Variants in LARP4 observed in about 807,000 individuals in gnomAD.
LARP4 encodes the protein la-related protein 4.
Under a neutral mutation model 92.9 loss-of-function variants are expected in LARP4, and 29 were observed. The observed-to-expected ratio is 0.31, with a 90% CI of 0.23 to 0.43. The LOEUF (loss-of-function observed/expected upper bound fraction) is 0.43. LARP4 is among the 20% of genes least tolerant of loss of function. The pLI, the probability that LARP4 is intolerant of heterozygous loss-of-function variation, is 1.00. For synonymous variants in LARP4, 279 were observed against 284.1 expected (o/e 0.98, Z 0.18); for missense variants, 732 against 860.0 (o/e 0.85, Z 1.86).
intron 8 of LARP4, among the ~76,000 whole-genome samples, chr12:50,450,131 C>T (rs1349728811): frequency 6.6e-6 from 1 of 151,852 alleles, no homozygotes; most frequent in African/African-American, 2.4e-5. Flanking sequence ...GACATGGTTT[C>T]ACCATGTTGG....
chr12:50,409,029 G>A (rs1387281717), intron 1 of LARP4, among the ~76,000 whole-genome samples: 1 of 151,918 alleles, frequency 6.6e-6, no homozygotes, highest in Non-Finnish European at 1.5e-5. Context: ...AATTTATAGG[G>A]CAGAAAGTTG....
chr12:50,474,691 G>A (rs1186122931), intron 15 of LARP4, among the ~76,000 whole-genome samples: 1 of 152,094 alleles, frequency 6.6e-6, no homozygotes, highest in Non-Finnish European at 1.5e-5. Context: ...ATATGGTTAA[G>A]TGAAGCTTCT....
intron 1 of LARP4, among the ~76,000 whole-genome samples, chr12:50,422,599 T>C (rs1311846420): frequency 1.3e-5 from 2 of 151,998 alleles, no homozygotes; most frequent in Admixed American, 6.6e-5. Context: ...TAATTTTGGA[T>C]TGCTGTGTAA....
At chr12:50,421,690 T>TAAATAAA (rs879825197) in intron 1 of LARP4, among the ~76,000 whole-genome samples, 3 of 137,412 alleles carry the variant, frequency 2.2e-5, no homozygotes, top group African/African-American at 5.9e-5. Context: ...AAATAAATAA[T>TAAATAAA]ACTTTGTAAG....
At chr12:50,466,825 T>G (rs756608261) in intron 12 of LARP4, 134 bp from the exon 13 acceptor site, 14 of 710,878 alleles carry the variant, frequency 2.0e-5, no homozygotes, top group Non-Finnish European at 3.1e-5. Flanking sequence ...CAAGAATTTA[T>G]GTAGGGATAC....
intron 14 of LARP4, 75 bp from the exon 15 acceptor site, chr12:50,473,923 AC>A: frequency 7.6e-7 from 1 of 1,307,962 alleles, no homozygotes; most frequent in Non-Finnish European, 1.1e-6. Context: ...AAAAAAAATT[AC>A]GTTTTCTTCT....
At chr12:50,460,891 T>C (rs1955256780) in intron 10 of LARP4, among the ~76,000 whole-genome samples, 1 of 150,346 alleles carries the variant, frequency 6.7e-6, no homozygotes. Context: ...TGCAGTGAGC[T>C]GAGATGTGCC....
intron 1 of LARP4, 111 bp downstream of exon 1, chr12:50,401,139 C>A (rs1943740207): frequency 8.0e-7 from 1 of 1,244,978 alleles, no homozygotes; most frequent in Non-Finnish European, 1.2e-6. Context: ...GCGGAACCGG[C>A]AGATAGGCTG....
At chr12:50,417,900 A>G (rs1947106822) in intron 1 of LARP4, among the ~76,000 whole-genome samples, 1 of 151,832 alleles carries the variant, frequency 6.6e-6, no homozygotes, top group African/African-American at 2.4e-5. Context: ...CACTCCTGTT[A>G]CCCAGGCTGC....
chr12:50,422,242 G>C (rs896121366), intron 1 of LARP4, among the ~76,000 whole-genome samples: 2 of 152,128 alleles, frequency 1.3e-5, no homozygotes, highest in African/African-American at 4.8e-5. Context: ...TGGGATTACA[G>C]GCTTGAGCCA....
At chr12:50,421,687 T>TA (rs869257904) in intron 1 of LARP4, among the ~76,000 whole-genome samples, 3 of 135,750 alleles carry the variant, frequency 2.2e-5, no homozygotes, top group African/African-American at 5.2e-5. Context: ...AATAAATAAA[T>TA]AATACTTTGT....
chr12:50,421,492 AT>A (rs1271566045), intron 1 of LARP4, among the ~76,000 whole-genome samples: 1 of 151,786 alleles, frequency 6.6e-6, no homozygotes, highest in Non-Finnish European at 1.5e-5. Flanking sequence ...AAATACAAAA[AT>A]TAGCCGGGCA....
Position 50,479,732 on chromosome 12 carries a change from T to C in LARP4, c.*3868T>C, listed in dbSNP as rs1957763267. On this transcript the variant is annotated 3_prime_UTR_variant, in exon 16 of 16. Coordinates refer to ENST00000398473, the MANE Select transcript of LARP4 (RefSeq NM_052879.5). ...GCACAGAACACTGTTGAAATATCCATATCAACTTGATTTTTTTAACCTAAT... is the reference window on the plus strand; with the variant it reads ...GCACAGAACACTGTTGAAATATCCACATCAACTTGATTTTTTTAACCTAAT... The C allele has an allele frequency of 6.6e-6, 1 of 152,250 alleles. No individual in the cohort carries two copies. The highest frequency in any genetic ancestry group is 1.5e-5 in the Non-Finnish European group (1 of 68,048). 9.4% of individuals were successfully genotyped at this position (152,250 alleles called of 1,614,324 possible).
intron 3 of LARP4, 42 bp from the exon 4 acceptor site, chr12:50,430,453 A>G (rs1445872682): frequency 9.1e-7 from 1 of 1,093,034 alleles, no homozygotes; most frequent in Admixed American, 1.9e-5. Context: ...ACCTCTACTA[A>G]CATGCTATTA....
chr12:50,437,215 T>TA (rs1950571621), intron 5 of LARP4, among the ~76,000 whole-genome samples: 1 of 152,200 alleles, frequency 6.6e-6, no homozygotes, highest in Non-Finnish European at 1.5e-5. Context: ...TTTGGGTCTC[T>TA]GTAGTAGTAT....
At chr12:50,444,375 ATTT>A (rs939502385) in intron 8 of LARP4, among the ~76,000 whole-genome samples, 1 of 151,968 alleles carries the variant, frequency 6.6e-6, no homozygotes, top group African/African-American at 2.4e-5. Flanking sequence ...AAACACAAAT[ATTT>A]TATTATAAGT....
intron 1 of LARP4, among the ~76,000 whole-genome samples, chr12:50,417,597 G>A (rs116481169): frequency 0.013 from 1,990 of 152,242 alleles, 48 homozygotes; most frequent in African/African-American, 0.044. Context: ...CTGTTATCTT[G>A]TTACTGGTTT....
At chr12:50,442,514 A>T (rs1951377921) in intron 8 of LARP4, among the ~76,000 whole-genome samples, 1 of 152,164 alleles carries the variant, frequency 6.6e-6, no homozygotes, top group Admixed American at 6.5e-5. Context: ...TCACATTGCT[A>T]CCAGAGCTAG....
intron 1 of LARP4, among the ~76,000 whole-genome samples, chr12:50,421,644 A>AAATAAATG (rs1947816275): frequency 8.5e-4 from 1 of 1,176 alleles, no homozygotes; most frequent in Non-Finnish European, 0.071. Context: ...CTTCATCACA[A>AAATAAATG]AATAAATAAA....
Sources: allele counts gnomAD v4.1 joint callset (sites outside exome capture counted in the v4.1 genomes callset), GRCh38; gene constraint gnomAD v4.1.1; transcripts MANE v1.5; gene names NCBI Gene and HGNC (gene_info 2026-07-23, HGNC 2026-07-21).